The following DDIAS variants were observed in gnomAD, a reference collection of about 807,000 sequenced individuals.
The protein encoded by DDIAS is DNA damage-induced apoptosis suppressor protein.
A neutral mutation model predicts 15.7 loss-of-function variants in DDIAS; 14 were observed. The ratio of observed to expected loss-of-function variants is 0.89; its 90% CI spans 0.59 to 1.39. The LOEUF is 1.39. DDIAS is among the 40% of genes most tolerant of loss of function. The pLI, the probability that DDIAS is intolerant of heterozygous loss-of-function variation, is 0.00. For synonymous variants in DDIAS, 355 were observed against 395.9 expected (o/e 0.90, Z 1.23); for missense variants, 1,035 against 1,130.9 (o/e 0.92, Z 1.22).
chr11:82,933,178 T>C lies in DDIAS; in HGVS notation c.1840T>C (p.Tyr614His). The C allele has an allele frequency of 2.5e-6, 4 of 1,612,170 alleles. No homozygotes were observed. The highest frequency in any genetic ancestry group is 1.3e-5 in the African/African-American group (1 of 75,018). Residue 614 changes from tyrosine to histidine, a missense_variant, in exon 6 of 6, where the codon TAT (tyrosine) becomes CAT (histidine). Tyr to His is a moderately conservative substitution (Grantham distance 83, BLOSUM62 2). Transcript: ENST00000533655. ...SDLCKLENKQ[Y>H]CRWSKNQDDS... Reference sequence around the variant, plus strand: ...TCTTTGCAAATTAGAAAATAAACAATATTGTAGGTGGTCCAAGAACCAAGA... The same window carrying C: ...TCTTTGCAAATTAGAAAATAAACAACATTGTAGGTGGTCCAAGAACCAAGA...
In DDIAS at chr11:82,914,855, A is replaced by C. The variant is rs760893299; in HGVS notation, c.113+4A>C. 6.5e-7 allele frequency: 1 copy of C among 1,541,110 alleles called. No homozygotes were observed. Among genetic ancestry groups the C allele is most frequent in the Non-Finnish European group, 9.0e-7 (1 of 1,117,136 alleles). Reference sequence around the variant, plus strand: ...GGATAATCCTGGTCTCCAAAAGGTAAAAGTAAAGTCTGTAAGTGTGAGAGA... The same window carrying C: ...GGATAATCCTGGTCTCCAAAAGGTACAAGTAAAGTCTGTAAGTGTGAGAGA... On this transcript the variant is annotated splice_donor_region_variant and intron_variant, in intron 3 of 5. Coordinates refer to ENST00000533655, the MANE Select transcript of DDIAS (RefSeq NM_145018.4).
intron 1 of DDIAS, among the ~76,000 whole-genome samples, chr11:82,902,653 C>G (rs1261095587): frequency 6.6e-6 from 1 of 152,160 alleles, no homozygotes; most frequent in Admixed American, 6.5e-5. Context: ...TTTTGTGTTC[C>G]TGAAGTGCAC....
chr11:82,902,750 A>T (rs1369762394), intron 1 of DDIAS, among the ~76,000 whole-genome samples: 2 of 152,196 alleles, frequency 1.3e-5, no homozygotes, highest in Non-Finnish European at 2.9e-5. Context: ...TTTAAATCAG[A>T]AACCCTTTCC....
chr11:82,910,611 T>C (rs1303672607), intron 1 of DDIAS, among the ~76,000 whole-genome samples: 754 of 37,034 alleles, frequency 0.02, 4 homozygotes, highest in African/African-American at 0.094. Context: ...TCTCTCTTTT[T>C]TTTTTTTTTT....
At chr11:82,921,869 G>A (rs765324389) in intron 3 of DDIAS, among the ~76,000 whole-genome samples, 13 of 152,164 alleles carry the variant, frequency 8.5e-5, no homozygotes, top group Non-Finnish European at 1.5e-4. Flanking sequence ...ATGAGCCACT[G>A]CGCCCAGCCT....
chr11:82,908,757 G>T (rs77846408), intron 1 of DDIAS, among the ~76,000 whole-genome samples: 7,441 of 152,164 alleles, frequency 0.049, 269 homozygotes, highest in African/African-American at 0.1. Context: ...AACGAACTTC[G>T]CTCTGCCTTT....
chr11:82,912,117 T>C (rs1004600920), intron 1 of DDIAS, among the ~76,000 whole-genome samples: 2 of 152,162 alleles, frequency 1.3e-5, no homozygotes, highest in African/African-American at 2.4e-5. Flanking sequence ...GGCCACAGGA[T>C]TTTTGGAATG....
At position 82,930,369 on chromosome 11, in the gene DDIAS, A is replaced by G. The variant is rs1490750398; in HGVS notation, c.393+95A>G. 6.7e-6 allele frequency: 6 copies of G among 902,012 alleles called. No individual in the cohort carries two copies. The Admixed American group carries it at 1.5e-4, about 23-fold the overall frequency. The allele number at this position is 902,012 out of a possible 1,614,324, so 55.9% of individuals were successfully genotyped here. A position where few individuals can be genotyped will look rare whatever the true frequency, so the allele number is the denominator to read the frequency against. On this transcript the variant is annotated intron_variant, in intron 5 of 5. Coordinates refer to ENST00000533655, the MANE Select transcript of DDIAS (RefSeq NM_145018.4). The stretch of plus-strand genomic sequence containing the variant: ...TAAATAGTTGTTAGGAGTTCTGTAC[A>G]TGTGAAGGCCTGTAGAAACACTTTA...
At position 82,930,184 on chromosome 11, in the gene DDIAS, A is replaced by G; in HGVS notation, c.303A>G (p.Pro101=). The G allele has an allele frequency of 6.3e-7, 1 of 1,595,736 alleles. No individual in the cohort carries two copies. The change falls in exon 5 of 6, where the codon CCA becomes CCG. Residue 101 remains proline, a synonymous_variant. Transcript: ENST00000533655. ...ACATTCAGGATCCTAATAAAATTCCAGAAACACTGGACAATGATACAACTC... is the reference window on the plus strand; with the variant it reads ...ACATTCAGGATCCTAATAAAATTCCGGAAACACTGGACAATGATACAACTC... ...HRYIQDPNKI[P]ETLDNDTTQN... is the part of the protein sequence containing the mutation.
intron 3 of DDIAS, among the ~76,000 whole-genome samples, chr11:82,915,534 C>A (rs551923525): frequency 5.3e-5 from 8 of 152,238 alleles, no homozygotes; most frequent in African/African-American, 1.4e-4. Flanking sequence ...AATGGGGAGG[C>A]AGAAAAGGAT....
intron 3 of DDIAS, among the ~76,000 whole-genome samples, chr11:82,927,555 T>C (rs1488748348): frequency 2.0e-5 from 3 of 152,236 alleles, no homozygotes; most frequent in Non-Finnish European, 1.5e-5. Context: ...TTTAAGATCT[T>C]TAGCAATCTG....
intron 5 of DDIAS, among the ~76,000 whole-genome samples, chr11:82,931,386 C>G (rs1422390408): frequency 6.6e-6 from 1 of 152,162 alleles, no homozygotes; most frequent in Non-Finnish European, 1.5e-5. Flanking sequence ...GAATCTCACT[C>G]TGTCACCCAG....
intron 1 of DDIAS, among the ~76,000 whole-genome samples, chr11:82,907,094 AAAG>A (rs1860446683): frequency 6.6e-6 from 1 of 152,212 alleles, no homozygotes; most frequent in Non-Finnish European, 1.5e-5. Context: ...ACGTCCTAGA[AAAG>A]AAGACTTCTA....
Position 82,932,290 on chromosome 11 carries a change from C to A in DDIAS, c.952C>A (p.Gln318Lys), listed in dbSNP as rs774961354. The A allele has an allele frequency of 3.1e-6, 5 of 1,613,742 alleles. No homozygotes were observed. In the African/African-American group the frequency reaches 6.7e-5, roughly 22 times the overall value. ...AEKLGKELGL[Q>K]AKELSAVHSS... ...AAAGTTGGGTAAAGAACTTGGCTTA[C>A]AAGCTAAGGAGCTGAGTGCAGTTCA... Residue 318 changes from glutamine (Q) to lysine (K), a missense_variant, in exon 6 of 6, where the codon CAA becomes AAA. Physicochemically the swap from Gln to Lys is moderately conservative, Grantham distance 53. Coordinates refer to ENST00000533655, the MANE Select transcript of DDIAS (RefSeq NM_145018.4).
chr11:82,926,724 G>T (rs1411214006), intron 3 of DDIAS, among the ~76,000 whole-genome samples: 1 of 152,110 alleles, frequency 6.6e-6, no homozygotes, highest in East Asian at 1.9e-4. Context: ...ATCTCTGGAT[G>T]ATTTGTATAC....
chr11:82,903,132 C>G (rs1343368311), intron 1 of DDIAS, among the ~76,000 whole-genome samples: 1 of 152,128 alleles, frequency 6.6e-6, no homozygotes, highest in African/African-American at 2.4e-5. Context: ...AAGGAAAGAC[C>G]AGTATAGCTG....
chr11:82,911,427 A>G (rs759609816), intron 1 of DDIAS, among the ~76,000 whole-genome samples: 1 of 151,520 alleles, frequency 6.6e-6, no homozygotes, highest in Non-Finnish European at 1.5e-5. Context: ...CCAGGAGTAG[A>G]TTCCGTATCA....
chr11:82,930,185 G>C lies in DDIAS; in HGVS notation c.304G>C (p.Glu102Gln), dbSNP rs753854348. 6.3e-6 allele frequency: 10 copies of C among 1,595,036 alleles called. No homozygotes were observed. The East Asian group carries it at 2.3e-4, about 36-fold the overall frequency. Residue 102 changes from glutamate to glutamine, a missense_variant, in exon 5 of 6, where the codon GAA (glutamate) becomes CAA (glutamine). Physicochemically the swap from Glu to Gln is conservative, Grantham distance 29. Coordinates refer to ENST00000533655, the MANE Select transcript of DDIAS (RefSeq NM_145018.4). Reference sequence around the variant, plus strand: ...CATTCAGGATCCTAATAAAATTCCAGAAACACTGGACAATGATACAACTCA... The same window carrying C: ...CATTCAGGATCCTAATAAAATTCCACAAACACTGGACAATGATACAACTCA... Reference protein sequence around the residue: ...RYIQDPNKIPETLDNDTTQNL... With the variant: ...RYIQDPNKIPQTLDNDTTQNL...
chr11:82,917,441 T>C (rs1860655493), intron 3 of DDIAS, among the ~76,000 whole-genome samples: 1 of 152,226 alleles, frequency 6.6e-6, no homozygotes, highest in African/African-American at 2.4e-5. Flanking sequence ...AATAACAGTC[T>C]CCAGTCTCAT....
Sources: allele counts gnomAD v4.1 joint callset (sites outside exome capture counted in the v4.1 genomes callset), GRCh38; gene constraint gnomAD v4.1.1; transcripts MANE v1.5; gene names NCBI Gene and HGNC (gene_info 2026-07-23, HGNC 2026-07-21).